The following TIAM1 variants were observed in gnomAD, a reference collection of about 807,000 sequenced individuals.
The protein encoded by TIAM1 is TIAM Rac1 associated GEF 1.
Under a neutral mutation model 163.5 loss-of-function variants are expected in TIAM1, and 65 were observed. That is an observed-to-expected ratio of 0.40 (90% CI 0.33 to 0.49). The LOEUF (loss-of-function observed/expected upper bound fraction) is 0.49, where lower values mean the gene tolerates loss of function less well. Among genes scored for constraint, TIAM1 ranks in the 20% least tolerant of loss-of-function variants. The pLI is 0.77. For synonymous variants in TIAM1, 833 were observed against 810.1 expected, an observed-to-expected ratio of 1.03 and a Z score of -0.48; for missense variants, 1,789 against 2,044.7, an observed-to-expected ratio of 0.87 and a Z score of 2.41.
At chr21:31,202,792 G>A (rs2086267175) in intron 12 of TIAM1, 116 bp downstream of exon 12, 1 of 959,902 alleles carries the variant, frequency 1.0e-6, no homozygotes, top group African/African-American at 1.6e-5. Flanking sequence ...GGCTATGAAT[G>A]AAGCTCATTT....
chr21:31,300,812 G>T (rs2074468182), intron 2 of TIAM1, among the ~76,000 whole-genome samples: 1 of 152,176 alleles, frequency 6.6e-6, no homozygotes, highest in South Asian at 2.1e-4. Flanking sequence ...TTATCAGAAA[G>T]GCACAAAGCA....
rs943934005 is a variant in TIAM1, at chr21:31,141,880, T to A, written c.3476-376A>T. Among the ~76,000 whole-genome samples, 26 of 152,156 alleles carry A rather than the reference T, an allele frequency of 1.7e-4. No homozygotes were observed. The highest frequency in any genetic ancestry group is 5.8e-4 in the African/African-American group (24 of 41,426). On this transcript the variant is annotated intron_variant, in intron 20 of 27. Transcript: ENST00000541036. This position sits in a 1 kb window ranked among gnomAD's most constrained non-coding sequence, Gnocchi z 4.7. ...AGACTGCCCCGCCCACGCTGGCCAG[T>A]TCCTGGAGATAGTAAAAGACTTGCC...
At chr21:31,509,412 T>C (rs8128786) in intron 1 of TIAM1, among the ~76,000 whole-genome samples, 9,375 of 152,278 alleles carry the variant, frequency 0.062, 753 homozygotes, top group African/African-American at 0.18. Flanking sequence ...TCAAGGGCCA[T>C]GTGAGCACCA....
intron 16 of TIAM1, chr21:31,160,500 G>A (rs1387831637): frequency 2.5e-6 from 1 of 398,494 alleles, no homozygotes; most frequent in Non-Finnish European, 4.4e-6. Context: ...TTCAATCCTG[G>A]GCTTGCGCTT....
Position 31,120,720 on chromosome 21 carries a change from G to C in TIAM1, c.4424C>G (p.Pro1475Arg), listed in dbSNP as rs776571950. Residue 1475 changes from proline (P) to arginine (R), a missense_variant, in exon 28 of 28, where the codon CCC becomes CGC. This residue lies in a region of TIAM1 where 415 missense variants were observed against 439.2 expected (regional missense o/e 0.94). Transcript: ENST00000541036. This position sits in a 1 kb window ranked among gnomAD's most constrained non-coding sequence, Gnocchi z 4.2. ...SSPEKESQQP[P>R]GGGDTDRWVE... ...CCATCGGTCAGTGTCCCCACCACCG[G>C]GGGGCTGCTGGGACTCTTTCTCCGG... 8.1e-6 allele frequency: 13 copies of C among 1,613,926 alleles called. No homozygotes were observed. The Admixed American group carries it at 2.2e-4, about 27-fold the overall frequency.
At chr21:31,194,416 T>G (rs746413960) in intron 13 of TIAM1, among the ~76,000 whole-genome samples, 3 of 152,148 alleles carry the variant, frequency 2.0e-5, no homozygotes, top group Admixed American at 2.0e-4. Context: ...GGGAGGATAA[T>G]GTAGGATAAT....
upstream of TIAM1, among the ~76,000 whole-genome samples, chr21:31,345,951 G>C (rs560284907): frequency 1.5e-4 from 23 of 152,248 alleles, no homozygotes; most frequent in Admixed American, 1.2e-3. Flanking sequence ...ACTCTGTCTT[G>C]AAAATAAATA....
intron 23 of TIAM1, among the ~76,000 whole-genome samples, chr21:31,133,076 G>A (rs553387827): frequency 2.6e-5 from 4 of 152,206 alleles, no homozygotes; most frequent in East Asian, 1.9e-4. Flanking sequence ...CAAATCTGCC[G>A]ACTGAGGGTA....
chr21:31,200,451 G>A (rs548437777), intron 12 of TIAM1, among the ~76,000 whole-genome samples: 1 of 152,290 alleles, frequency 6.6e-6, no homozygotes, highest in African/African-American at 2.4e-5. Flanking sequence ...CAGTGCCTGT[G>A]ACTCCGTCAC....
At chr21:31,463,726 G>C (rs1040678051) in intron 2 of TIAM1, among the ~76,000 whole-genome samples, 1 of 151,856 alleles carries the variant, frequency 6.6e-6, no homozygotes, top group African/African-American at 2.4e-5. Context: ...GCCGAGGCAG[G>C]GGAATGGCTT....
chr21:31,280,757 C>G (rs1267087404), intron 2 of TIAM1, among the ~76,000 whole-genome samples: 3 of 150,530 alleles, frequency 2.0e-5, no homozygotes, highest in African/African-American at 7.3e-5. Context: ...CTTGGCTTTT[C>G]CAAAAATGTC....
chr21:31,276,677 C>A (rs192091829), intron 3 of TIAM1, 55 bp downstream of exon 3: 26 of 152,356 alleles, frequency 1.7e-4, no homozygotes, highest in African/African-American at 6.3e-4. Context: ...ACCTTTGAAG[C>A]ATTTCCATTA....
At chr21:31,463,762 G>A (rs1313459930) in intron 2 of TIAM1, among the ~76,000 whole-genome samples, 6 of 148,972 alleles carry the variant, frequency 4.0e-5, no homozygotes, top group African/African-American at 1.2e-4. Flanking sequence ...AGGTTGCAGT[G>A]AGCCAAGATA....
At chr21:31,407,629 ATTT>A (rs562921160) in intron 2 of TIAM1, among the ~76,000 whole-genome samples, 16 of 94,080 alleles carry the variant, frequency 1.7e-4, no homozygotes, top group African/African-American at 3.3e-4. Flanking sequence ...TTTGCTCTTA[ATTT>A]TTTTTTTTTT....
intron 11 of TIAM1, among the ~76,000 whole-genome samples, chr21:31,204,979 C>T (rs911502703): frequency 1.3e-5 from 2 of 152,178 alleles, no homozygotes; most frequent in Admixed American, 6.5e-5. Context: ...CCTTTCACTG[C>T]CTATATTTGA....
rs757102515 is a variant in TIAM1 at position 31,356,410 on chromosome 21, A to G, written c.-368-16988T>C. Among the ~76,000 whole-genome samples the G allele has an allele frequency of 3.3e-5, 5 of 151,968 alleles. No individual in the cohort carries two copies. In the East Asian group the frequency reaches 7.7e-4, roughly 24 times the overall value. On this transcript the variant is annotated intron_variant, in intron 2 of 28. Transcript: ENST00000286827. The stretch of plus-strand genomic sequence containing the variant: ...ATCTTTTCAGACCACTCAATCTCAT[A>G]CTCTGTTAGGGTCTGAATGTTTGTG...
chr21:31,148,950 G>GTTTTTTTTTT (rs1568921143), intron 19 of TIAM1, among the ~76,000 whole-genome samples: 2 of 81,690 alleles, frequency 2.4e-5, no homozygotes, highest in African/African-American at 1.2e-4. Context: ...ATTTTAACAA[G>GTTTTTTTTTT]TTTTTCTTTT....
intron 1 of TIAM1, among the ~76,000 whole-genome samples, chr21:31,340,610 C>T (rs1021778800): frequency 6.6e-6 from 1 of 152,146 alleles, no homozygotes; most frequent in African/African-American, 2.4e-5. Context: ...AGCAACCCTC[C>T]CGTCTCAGCC....
At chr21:31,495,179 G>A (rs1437023228) in intron 1 of TIAM1, among the ~76,000 whole-genome samples, 1 of 152,218 alleles carries the variant, frequency 6.6e-6, no homozygotes, top group African/African-American at 2.4e-5. Context: ...AACAACTGGT[G>A]AATTTTGGTA....
Sources: gnomAD v4.1 joint callset for allele counts (sites outside exome capture counted in the v4.1 genomes callset) on GRCh38, gnomAD v4.1.1 for gene constraint, gnomAD v4.1.1 regional missense constraint, Gnocchi (gnomAD v3.1) non-coding constraint, MANE v1.5 for transcripts, NCBI Gene and HGNC (gene_info 2026-07-23, HGNC 2026-07-21) for gene names.